The following UNC93A variants were observed in gnomAD, a reference collection of about 807,000 sequenced individuals.
UNC93A encodes the protein N-acetylglucosamine transporter UNC93A.
UNC93A carries 43 observed loss-of-function variants against 47.5 expected under a neutral mutation model. That is an observed-to-expected ratio of 0.91 (90% confidence interval 0.71 to 1.17). The LOEUF is 1.17. UNC93A is among the 50% of genes most tolerant of loss of function. The pLI, the probability that UNC93A is intolerant of heterozygous loss-of-function variation, is 0.00. For missense variants in UNC93A, 605 were observed against 577.6 expected (o/e 1.05, Z -0.49); for synonymous variants, 280 against 258.0 (o/e 1.09, Z -0.82).
intron 1 of UNC93A, among the ~76,000 whole-genome samples, chr6:167,284,568 G>A (rs947075055): frequency 1.3e-5 from 2 of 152,294 alleles, no homozygotes; most frequent in Admixed American, 1.3e-4. Context: ...TCCACACAGA[G>A]CTCACGTTGC....
At chr6:167,301,620 C>T (rs987919328) in intron 4 of UNC93A, among the ~76,000 whole-genome samples, 2 of 152,158 alleles carry the variant, frequency 1.3e-5, no homozygotes, top group Admixed American at 6.5e-5. Flanking sequence ...ACATGACACC[C>T]GGACATACAT....
chr6:167,306,329 C>A (rs116015763), intron 6 of UNC93A, among the ~76,000 whole-genome samples: 1 of 152,134 alleles, frequency 6.6e-6, no homozygotes, highest in African/African-American at 2.4e-5. Flanking sequence ...GTGACCAGGC[C>A]AGGGTGGGGC....
chr6:167,286,977 CAAAAAAAA>C (rs548370859), upstream of UNC93A, among the ~76,000 whole-genome samples: 4 of 109,990 alleles, frequency 3.6e-5, no homozygotes, highest in African/African-American at 1.3e-4. Context: ...GACTCTGTCT[CAAAAAAAA>C]AAAAAAAAAA....
chr6:167,269,140 G>A (rs1191661708), upstream of UNC93A, among the ~76,000 whole-genome samples: 7 of 152,230 alleles, frequency 4.6e-5, no homozygotes, highest in Non-Finnish European at 1.0e-4. Flanking sequence ...AGCAGGCTGG[G>A]AAAACCCAGC....
chr6:167,283,850 G>A (rs796487834), intron 1 of UNC93A, among the ~76,000 whole-genome samples: 1 of 152,144 alleles, frequency 6.6e-6, no homozygotes, highest in African/African-American at 2.4e-5. Context: ...AACAACTTAC[G>A]ATGTTAAAAA....
chr6:167,291,799 G>A (rs982678220), intron 1 of UNC93A, among the ~76,000 whole-genome samples: 1 of 152,316 alleles, frequency 6.6e-6, no homozygotes, highest in South Asian at 2.1e-4. Flanking sequence ...CGAGGTGCAC[G>A]TTGCTCTTGG....
At chr6:167,306,497 ACACACAG>A (rs1411897791) in intron 6 of UNC93A, among the ~76,000 whole-genome samples, 1 of 152,194 alleles carries the variant, frequency 6.6e-6, no homozygotes, top group Non-Finnish European at 1.5e-5. Context: ...TCCTCCCTAA[ACACACAG>A]CACCTTCCAT....
rs999615072 is a variant in UNC93A at position 167,296,035 on chromosome 6, C to A, written c.273C>A (p.Tyr91Ter). The change falls in exon 3 of 8, where the codon TAC becomes TAA. Residue 91 changes from tyrosine (Y) to a stop codon, truncating the protein, a stop_gained. Coordinates refer to ENST00000230256, the MANE Select transcript of UNC93A (RefSeq NM_018974.4). LOFTEE classifies it high-confidence loss of function. ...TGGGTCTGCATTTTACCCACAGGTA[C>A]ACTTTGATCCCCACCTCCATACTGC... ...FSVGNFFASW[Y>*]TLIPTSILLG... The A allele has an allele frequency of 1.2e-6, 2 of 1,613,922 alleles. No homozygotes were observed. Among genetic ancestry groups the A allele is most frequent in the Middle Eastern group, 1.6e-4 (1 of 6,084 alleles).
At chr6:167,275,145 G>T (rs1783518387) in intron 1 of UNC93A, among the ~76,000 whole-genome samples, 1 of 152,128 alleles carries the variant, frequency 6.6e-6, no homozygotes, top group South Asian at 2.1e-4. Context: ...AGGAGACTTG[G>T]GCTGGTGTGT....
intron 7 of UNC93A, among the ~76,000 whole-genome samples, chr6:167,309,165 ATAGT>A (rs1778486794): frequency 6.6e-6 from 1 of 152,176 alleles, no homozygotes; most frequent in South Asian, 2.1e-4. Flanking sequence ...GGCAGAGGTC[ATAGT>A]TAGCCGAGAT....
upstream of UNC93A, among the ~76,000 whole-genome samples, chr6:167,288,706 A>C (rs1290981863): frequency 1.3e-5 from 2 of 152,230 alleles, no homozygotes; most frequent in Non-Finnish European, 2.9e-5. Context: ...AAAAAAGCAA[A>C]CCATTGGGTA....
chr6:167,296,170 G>C lies in UNC93A; in HGVS notation c.408G>C (p.Gln136His). 1 of 1,614,232 alleles carries C rather than the reference G, an allele frequency of 6.2e-7. No individual in the cohort carries two copies. ...AGCGTGGCAAAGACATGGTGAACCA[G>C]TATTTTGGCATCTTCTTCCTCATAT... is the stretch of plus-strand genomic sequence containing the variant. ...AGKRGKDMVNQYFGIFFLIFQ... is the reference protein window; with the variant it reads ...AGKRGKDMVNHYFGIFFLIFQ... Residue 136 changes from glutamine (Q) to histidine (H), a missense_variant, in exon 3 of 8, where the codon CAG becomes CAC. Coordinates refer to ENST00000230256, the MANE Select transcript of UNC93A (RefSeq NM_018974.4).
intron 1 of UNC93A, among the ~76,000 whole-genome samples, chr6:167,282,510 G>A (rs539206674): frequency 4.9e-4 from 75 of 152,224 alleles, no homozygotes; most frequent in Middle Eastern, 6.8e-3. Flanking sequence ...TGGAGCATGG[G>A]TTCAGGTTCA....
chr6:167,289,248 G>A (rs1241564589), upstream of UNC93A, among the ~76,000 whole-genome samples: 3 of 152,226 alleles, frequency 2.0e-5, no homozygotes, highest in East Asian at 3.9e-4. Flanking sequence ...TAAGATAAGA[G>A]TGTCCCTTTG....
chr6:167,311,179 C>T (rs1416421426), intron 7 of UNC93A, among the ~76,000 whole-genome samples: 1 of 152,224 alleles, frequency 6.6e-6, no homozygotes, highest in African/African-American at 2.4e-5. Context: ...CCTTTAAGAA[C>T]ATATGTGGAC....
intron 2 of UNC93A, 84 bp downstream of exon 2, chr6:167,294,782 C>T: frequency 1.4e-6 from 2 of 1,428,960 alleles, no homozygotes; most frequent in South Asian, 1.3e-5. Context: ...GTTGCATTTG[C>T]ACCTGATTAC....
At chr6:167,289,893 A>T (rs388807), upstream of UNC93A, among the ~76,000 whole-genome samples, 2 of 152,202 alleles carry the variant, frequency 1.3e-5, no homozygotes, top group Non-Finnish European at 2.9e-5. Context: ...ATTTCTTTAC[A>T]TATTATTCTA....
Position 167,294,543 on chromosome 6 carries a change from G to C in UNC93A, c.114G>C (p.Leu38=). ...GCAGCCTGTACAGCGAGGAGGGCCT[G>C]GGTGTCACAGCGCTCAGCACCCTCT... ...LQSSLYSEEG[L]GVTALSTLYG... is the part of the protein sequence containing the mutation. Residue 38 remains leucine, a synonymous_variant, in exon 2 of 8, where the codon CTG becomes CTC. Transcript: ENST00000230256. 6 of 1,614,092 alleles carry C rather than the reference G, an allele frequency of 3.7e-6. No homozygotes were observed. The highest frequency in any genetic ancestry group is 5.1e-6 in the Non-Finnish European group (6 of 1,180,008).
intron 1 of UNC93A, among the ~76,000 whole-genome samples, chr6:167,286,200 TTCA>T (rs141920526): frequency 0.019 from 2,918 of 152,142 alleles, 105 homozygotes; most frequent in African/African-American, 0.067. Context: ...ATGTTCTCCC[TTCA>T]TCATATCGAG....
Sources: allele counts gnomAD v4.1 joint callset (sites outside exome capture counted in the v4.1 genomes callset), GRCh38; gene constraint gnomAD v4.1.1; transcripts MANE v1.5; gene names NCBI Gene and HGNC (gene_info 2026-07-23, HGNC 2026-07-21).